The following SMAD6 variants were observed in gnomAD, a reference collection of about 807,000 sequenced individuals.
The protein encoded by SMAD6 is MAD homolog 6.
Under a neutral mutation model 39.4 loss-of-function variants are expected in SMAD6, and 103 were observed. The observed-to-expected ratio is 2.62, with a 90% CI of 2.23 to 3.08. The LOEUF (loss-of-function observed/expected upper bound fraction) is 3.08. Among genes scored for constraint, SMAD6 ranks in the 30% most tolerant of loss-of-function variants. The pLI, the probability that SMAD6 is intolerant of heterozygous loss-of-function variation, is 0.00. For missense variants in SMAD6, 1,104 were observed against 742.9 expected (o/e 1.49, Z -5.65); for synonymous variants, 445 against 353.3 (o/e 1.26, Z -2.91).
chr15:66,737,710 A>G (rs1190254883), intron 3 of SMAD6, among the ~76,000 whole-genome samples: 3 of 145,380 alleles, frequency 2.1e-5, no homozygotes, highest in Non-Finnish European at 4.6e-5. Context: ...GAGAAAAAGG[A>G]AAAAAAAAAA....
At chr15:66,734,362 C>T (rs1893678814) in intron 3 of SMAD6, among the ~76,000 whole-genome samples, 1 of 152,198 alleles carries the variant, frequency 6.6e-6, no homozygotes, top group Non-Finnish European at 1.5e-5. Flanking sequence ...TTCCATTCGC[C>T]CTGCCTCTGG....
At chr15:66,741,638 A>C (rs187851895) in intron 3 of SMAD6, among the ~76,000 whole-genome samples, 100 of 152,300 alleles carry the variant, frequency 6.6e-4, no homozygotes, top group Non-Finnish European at 1.1e-3. Context: ...CAGGCTCACT[A>C]ATCAGAGAAT....
chr15:66,703,887 G>C lies in SMAD6; in HGVS notation c.629G>C (p.Arg210Pro). The C allele has an allele frequency of 7.6e-7, 1 of 1,307,996 alleles. No homozygotes were observed. The highest frequency in any genetic ancestry group is 9.7e-7 in the Non-Finnish European group (1 of 1,028,832). The allele number at this position is 1,307,996 out of a possible 1,614,324, so 81.0% of individuals were successfully genotyped here. A position where few individuals can be genotyped will look rare whatever the true frequency, so the allele number is the denominator to read the frequency against. The stretch of plus-strand genomic sequence containing the variant: ...CCGGGCGGCTGCGTGCTGGTGCCGC[G>C]CGCCGACCTCCGCCTGGGCGGCCAG... ...GVPGGCVLVP[R>P]ADLRLGGQPA... The change falls in exon 1 of 4, where the codon CGC becomes CCC. Residue 210 changes from arginine (R) to proline (P), a missense_variant. Physicochemically the swap from Arg to Pro is moderately radical, Grantham distance 103 (BLOSUM62 -2). Coordinates refer to ENST00000288840, the MANE Select transcript of SMAD6 (RefSeq NM_005585.5).
Position 66,781,162 on chromosome 15 carries a change from T to TGGAGC in SMAD6, c.1119_1123dup (p.Gln375ArgfsTer166). On this transcript the variant is annotated frameshift_variant, in exon 4 of 4. Transcript: ENST00000288840. LOFTEE classifies it high-confidence loss of function. ...GGCTTCTGCCTGGGCCAGCTCAACC[T>TGGAGC]GGAGCAGCGCAGCGAGTCGGTGCGG... 6.2e-7 allele frequency: 1 copy of TGGAGC among 1,608,110 alleles called. No individual in the cohort carries two copies. Among genetic ancestry groups the TGGAGC allele is most frequent in the Non-Finnish European group, 8.5e-7 (1 of 1,179,754 alleles).
In SMAD6 at chr15:66,703,716, C is replaced by T. The variant is rs1893035423; in HGVS notation, c.458C>T (p.Ala153Val). The change falls in exon 1 of 4, where the codon GCG becomes GTG. Residue 153 changes from alanine (A) to valine (V), a missense_variant. Coordinates refer to ENST00000288840, the MANE Select transcript of SMAD6 (RefSeq NM_005585.5). ...CTGGCCGGGGCGGCCCTGGAGCCGG[C>T]GGGCGGCGGGCGGAGTCGCGAAGCG... ...DPLAGAALEP[A>V]GGGRSREARS... 3.0e-6 allele frequency: 4 copies of T among 1,340,022 alleles called. No homozygotes were observed. Among genetic ancestry groups the T allele is most frequent in the South Asian group, 1.8e-5 (1 of 54,488 alleles). 83.0% of individuals were successfully genotyped at this position (1,340,022 alleles called of 1,614,324 possible). A position where few individuals can be genotyped will look rare whatever the true frequency, so the allele number is the denominator to read the frequency against.
rs576867727 is a variant in SMAD6 at position 66,710,562 on chromosome 15, T to C, written c.818-1106T>C. ...AATTGTGAAAAACACTTATTACCCC[T>C]TGTGTCATTACTGATACCCGCTTAA... On this transcript the variant is annotated intron_variant, in intron 1 of 3. Transcript: ENST00000288840. Among the ~76,000 whole-genome samples the C allele has an allele frequency of 4.3e-4, 66 of 152,130 alleles. 1 individual carries two copies. Among genetic ancestry groups the C allele is most frequent in the African/African-American group, 1.6e-3 (66 of 41,362 alleles).
chr15:66,728,900 A>G (rs1230131485), intron 3 of SMAD6, among the ~76,000 whole-genome samples: 1 of 151,458 alleles, frequency 6.6e-6, no homozygotes, highest in Non-Finnish European at 1.5e-5. Flanking sequence ...TTTTGAGGAC[A>G]CAAGGTCATA....
intron 3 of SMAD6, among the ~76,000 whole-genome samples, chr15:66,758,288 C>G (rs1894138010): frequency 6.6e-6 from 1 of 152,216 alleles, no homozygotes; most frequent in African/African-American, 2.4e-5. Flanking sequence ...TTCCCCATCC[C>G]AGTCTTCTCT....
intron 3 of SMAD6, among the ~76,000 whole-genome samples, chr15:66,739,952 A>C (rs1354162241): frequency 6.6e-6 from 1 of 152,218 alleles, no homozygotes. Flanking sequence ...TATGTTAAAA[A>C]ATACAGTTTT....
At chr15:66,760,292 T>G (rs995215036) in intron 3 of SMAD6, among the ~76,000 whole-genome samples, 1 of 152,172 alleles carries the variant, frequency 6.6e-6, no homozygotes, top group African/African-American at 2.4e-5. Flanking sequence ...TGGTGCCCCA[T>G]GCAGAGCAGT....
chr15:66,712,682 C>A (rs1595763750), intron 2 of SMAD6, among the ~76,000 whole-genome samples: 1 of 113,732 alleles, frequency 8.8e-6, no homozygotes, highest in South Asian at 2.9e-4. Context: ...GAGTGAAATT[C>A]TGTCTCAAAA....
chr15:66,750,312 G>T (rs1893981036), intron 3 of SMAD6, among the ~76,000 whole-genome samples: 1 of 152,228 alleles, frequency 6.6e-6, no homozygotes, highest in Non-Finnish European at 1.5e-5. Context: ...TTAGCTCCGA[G>T]TTAGACTGGG....
At position 66,725,627 on chromosome 15, in the gene SMAD6, C is replaced by T. The variant is rs78685007; in HGVS notation, c.952+9129C>T. Among the ~76,000 whole-genome samples the T allele has an allele frequency of 3.3e-3, 504 of 152,254 alleles. 4 individuals are homozygous for T. The highest frequency in any genetic ancestry group is 0.011 in the African/African-American group (460 of 41,544). On this transcript the variant is annotated intron_variant, in intron 3 of 3. Coordinates refer to ENST00000288840, the MANE Select transcript of SMAD6 (RefSeq NM_005585.5). The stretch of plus-strand genomic sequence containing the variant: ...GGAGAAGCTGGGCTGGGAGGCCTTC[C>T]ATGCCAGGTGGGGAAGAAGGAGGGG...
intron 3 of SMAD6, among the ~76,000 whole-genome samples, chr15:66,768,635 A>G (rs1894330090): frequency 6.6e-6 from 1 of 152,186 alleles, no homozygotes; most frequent in Non-Finnish European, 1.5e-5. Flanking sequence ...CATCAGGAGG[A>G]TCAGCAAATG....
chr15:66,725,939 A>C (rs996990416), intron 3 of SMAD6, among the ~76,000 whole-genome samples: 1 of 152,054 alleles, frequency 6.6e-6, no homozygotes, highest in East Asian at 1.9e-4. Flanking sequence ...CCCACCTGCC[A>C]CCCCTTCACT....
intron 3 of SMAD6, among the ~76,000 whole-genome samples, chr15:66,780,602 C>G (rs1329792973): frequency 6.6e-6 from 1 of 152,166 alleles, no homozygotes. Flanking sequence ...TGCTCCACGC[C>G]GGGTCCGTGA....
intron 3 of SMAD6, among the ~76,000 whole-genome samples, chr15:66,780,174 A>C (rs1207178636): frequency 1.3e-5 from 2 of 152,204 alleles, no homozygotes; most frequent in Admixed American, 6.5e-5. Context: ...AGGGACCCTC[A>C]GCTCCTCTGC....
Position 66,781,288 on chromosome 15 carries a change from C to CG in SMAD6, c.1245dup (p.Thr416AspfsTer149). 6.2e-7 allele frequency: 1 copy of CG among 1,604,690 alleles called. No individual in the cohort carries two copies. On this transcript the variant is annotated frameshift_variant, in exon 4 of 4. Transcript: ENST00000288840. LOFTEE classifies it high-confidence loss of function. ...GAGCACCCCATCTTCGTCAACTCCC[C>CG]GACGCTGGACGCGCCCGGCGGCCGC...
chr15:66,753,625 C>T (rs773596854), intron 3 of SMAD6, among the ~76,000 whole-genome samples: 3 of 152,190 alleles, frequency 2.0e-5, no homozygotes, highest in East Asian at 3.8e-4. Context: ...TGTGGCTCCT[C>T]TAGCCTTCTG....
Sources: gnomAD v4.1 joint callset for allele counts (sites outside exome capture counted in the v4.1 genomes callset) on GRCh38, gnomAD v4.1.1 for gene constraint, MANE v1.5 for transcripts, NCBI Gene and HGNC (gene_info 2026-07-23, HGNC 2026-07-21) for gene names.